MAF: variants seen among roughly 807,000 people sequenced by gnomAD.
The protein encoded by MAF is transcription factor Maf.
A neutral mutation model predicts 22.0 loss-of-function variants in MAF; 10 were observed. The ratio of observed to expected loss-of-function variants is 0.45; its 90% CI spans 0.28 to 0.77. The LOEUF (loss-of-function observed/expected upper bound fraction) is 0.77, where lower values mean the gene tolerates loss of function less well. Ranked by LOEUF, MAF falls within the 30% of genes least tolerant of loss-of-function variation. The pLI is 0.12. For missense variants in MAF, 544 were observed against 548.4 expected, an observed-to-expected ratio of 0.99 and a Z score of 0.08; for synonymous variants, 337 against 255.8, an observed-to-expected ratio of 1.32 and a Z score of -3.03.
At chr16:79,564,753 G>C in the MAF span, among the ~76,000 whole-genome samples, 2 of 152,176 alleles carry the variant, frequency 1.3e-5, no homozygotes, top group Non-Finnish European at 2.9e-5. Flanking sequence ...AGCATGTGTG[G>C]GGTGAACCTT....
At chr16:79,343,309 G>A in the MAF span, among the ~76,000 whole-genome samples, 28 of 151,714 alleles carry the variant, frequency 1.8e-4, no homozygotes, top group Non-Finnish European at 3.4e-4. Flanking sequence ...TGAGTGTCTC[G>A]CAGCATAGAA....
the MAF span, among the ~76,000 whole-genome samples, chr16:79,370,420 A>G: frequency 6.6e-6 from 1 of 152,200 alleles, no homozygotes; most frequent in African/African-American, 2.4e-5. Context: ...GGACTCACAG[A>G]GGTTCTGACT....
At chr16:79,373,437 C>G in the MAF span, among the ~76,000 whole-genome samples, 350 of 117,112 alleles carry the variant, frequency 3.0e-3, 2 homozygotes, top group African/African-American at 0.011. Context: ...GGCTGGAGTG[C>G]AATGGAGTGA....
the MAF span, among the ~76,000 whole-genome samples, chr16:79,558,848 T>C: frequency 6.6e-6 from 1 of 152,342 alleles, no homozygotes; most frequent in East Asian, 1.9e-4. Flanking sequence ...GGGCTCCTGA[T>C]TCTTTGGAAG....
At chr16:79,581,859 G>T (rs1188126413), downstream of MAF, among the ~76,000 whole-genome samples, 1 of 152,146 alleles carries the variant, frequency 6.6e-6, no homozygotes, top group Non-Finnish European at 1.5e-5. Flanking sequence ...GTCACTGCTC[G>T]GTGGCCACCT....
chr16:79,211,990 T>C, the MAF span: 1 of 1,536,126 alleles, frequency 6.5e-7, no homozygotes, highest in Non-Finnish European at 8.7e-7. Flanking sequence ...AAGTATCACT[T>C]TTCTGGGGCT....
the MAF span, among the ~76,000 whole-genome samples, chr16:79,524,658 C>T: frequency 6.6e-6 from 1 of 152,170 alleles, no homozygotes; most frequent in Non-Finnish European, 1.5e-5. Flanking sequence ...TGGTTTTCCT[C>T]GACAGCTACT....
the MAF span, among the ~76,000 whole-genome samples, chr16:79,257,756 G>A: frequency 6.6e-6 from 1 of 152,204 alleles, no homozygotes; most frequent in African/African-American, 2.4e-5. Flanking sequence ...CTCAGTAAGT[G>A]TGAGCTAGAA....
chr16:79,391,211 A>G, the MAF span, among the ~76,000 whole-genome samples: 1 of 152,146 alleles, frequency 6.6e-6, no homozygotes, highest in Non-Finnish European at 1.5e-5. Context: ...CAACCTCTGC[A>G]CCCTGGTTCC....
the MAF span, among the ~76,000 whole-genome samples, chr16:79,228,769 G>C: frequency 2.5e-4 from 38 of 152,050 alleles, no homozygotes; most frequent in Middle Eastern, 3.4e-3. Flanking sequence ...TCAGGAAGAC[G>C]AATATAATGG....
At chr16:79,551,341 A>G in the MAF span, among the ~76,000 whole-genome samples, 31 of 152,272 alleles carry the variant, frequency 2.0e-4, no homozygotes, top group African/African-American at 7.2e-4. Context: ...CCTTGTAGCC[A>G]TTCTCTGATA....
the MAF span, among the ~76,000 whole-genome samples, chr16:79,462,038 C>A: frequency 2.0e-5 from 3 of 152,208 alleles, no homozygotes; most frequent in African/African-American, 2.4e-5. Flanking sequence ...ACTTTCTCCA[C>A]AACCAAAGTG....
the MAF span, among the ~76,000 whole-genome samples, chr16:79,523,312 T>G: frequency 6.6e-6 from 1 of 152,332 alleles, no homozygotes; most frequent in Non-Finnish European, 1.5e-5. Flanking sequence ...CAGAATGGAT[T>G]CTTCTCCCAC....
chr16:79,545,621 G>C, the MAF span, among the ~76,000 whole-genome samples: 3 of 151,816 alleles, frequency 2.0e-5, no homozygotes, highest in Non-Finnish European at 4.4e-5. Context: ...CCCCCACAGA[G>C]GCATCTTATT....
chr16:79,232,420 C>A, the MAF span, among the ~76,000 whole-genome samples: 3 of 151,946 alleles, frequency 2.0e-5, no homozygotes, highest in Admixed American at 2.0e-4. Context: ...GCAGCAGATT[C>A]CAGAATTTGG....
chr16:79,267,108 G>A, the MAF span, among the ~76,000 whole-genome samples: 1 of 152,228 alleles, frequency 6.6e-6, no homozygotes, highest in Admixed American at 6.5e-5. Flanking sequence ...AGTCAGGATA[G>A]CTAAGAGACC....
chr16:79,314,409 A>T, the MAF span, among the ~76,000 whole-genome samples: 1 of 152,146 alleles, frequency 6.6e-6, no homozygotes, highest in Non-Finnish European at 1.5e-5. Context: ...TTTACATGGA[A>T]GTCTGGGTCT....
At chr16:79,528,334 G>T in the MAF span, among the ~76,000 whole-genome samples, 1 of 152,092 alleles carries the variant, frequency 6.6e-6, no homozygotes, top group Non-Finnish European at 1.5e-5. Context: ...GAAGAAAAAG[G>T]CCGAGCTCAT....
At chr16:79,412,866 G>A in the MAF span, among the ~76,000 whole-genome samples, 1 of 152,238 alleles carries the variant, frequency 6.6e-6, no homozygotes, top group African/African-American at 2.4e-5. Flanking sequence ...TGATCCATCA[G>A]TGCTTGTCCT....
Sources: gnomAD v4.1 joint callset for allele counts (sites outside exome capture counted in the v4.1 genomes callset) on GRCh38, gnomAD v4.1.1 for gene constraint, MANE v1.5 for transcripts, NCBI Gene and HGNC (gene_info 2026-07-23, HGNC 2026-07-21) for gene names.